Variants in CREG2 observed in about 807,000 individuals in gnomAD.
The protein encoded by CREG2 is cellular repressor of E1A stimulated genes 2, also known as protein CREG2.
Under a neutral mutation model 26.2 loss-of-function variants are expected in CREG2, and 24 were observed. The ratio of observed to expected loss-of-function variants is 0.92; its 90% CI spans 0.66 to 1.29. CREG2 has a LOEUF of 1.29. CREG2 is among the 50% of genes most tolerant of loss of function. CREG2 has a pLI of 0.00. For missense variants in CREG2, 366 were observed against 398.6 expected (o/e 0.92, Z 0.70); for synonymous variants, 174 against 169.2 (o/e 1.03, Z -0.22).
chr2:101,373,831 A>C (rs1041330445), intron 2 of CREG2, among the ~76,000 whole-genome samples: 1 of 152,220 alleles, frequency 6.6e-6, no homozygotes, highest in Non-Finnish European at 1.5e-5. Flanking sequence ...CTTTCTCTTT[A>C]CAAAGTTCTC....
rs769349901 is a variant in CREG2 at position 101,383,705 on chromosome 2, A to C, written c.442-3T>G. 3 of 1,592,706 alleles carry C rather than the reference A, an allele frequency of 1.9e-6. No individual in the cohort carries two copies. The Admixed American group carries it at 5.3e-5, about 28-fold the overall frequency. On this transcript the variant is annotated splice_region_variant and splice_polypyrimidine_tract_variant and intron_variant, in intron 1 of 3. Coordinates refer to ENST00000324768, the MANE Select transcript of CREG2 (RefSeq NM_153836.4). ...TTCCCAAATGGCAGTCCTTGGATCT[A>C]ACAAACACCAAAAAAGGCTTTTTCA... is the stretch of plus-strand genomic sequence containing the variant.
intron 2 of CREG2, among the ~76,000 whole-genome samples, chr2:101,361,716 C>T (rs931058338): frequency 2.0e-5 from 3 of 152,174 alleles, no homozygotes; most frequent in Non-Finnish European, 2.9e-5. Context: ...AGCATCAATA[C>T]GAAACTAATA....
chr2:101,382,413 C>G (rs187948317), intron 2 of CREG2: 2 of 847,726 alleles, frequency 2.4e-6, no homozygotes, highest in Non-Finnish European at 2.8e-6. Context: ...GAAACAAGAG[C>G]GAAACTCTAT....
At chr2:101,370,364 C>T (rs1004468276) in intron 2 of CREG2, among the ~76,000 whole-genome samples, 4 of 152,130 alleles carry the variant, frequency 2.6e-5, no homozygotes, top group Non-Finnish European at 5.9e-5. Context: ...CCATAGCTAC[C>T]ATTTATTGGT....
rs1460417396 is a variant in CREG2 at position 101,355,329 on chromosome 2, G to T, written c.649C>A (p.Gln217Lys). ...ATCATCTGGCCAGTGAGCGTTAACTGGACACATCGGGGATCTTCCGGATCA... is the reference window on the plus strand; with the variant it reads ...ATCATCTGGCCAGTGAGCGTTAACTTGACACATCGGGGATCTTCCGGATCA... ...IVDPEDPRCV[Q>K]LTLTGQMIAV... The change falls in exon 3 of 4, where the codon CAG (glutamine) becomes AAG (lysine). Residue 217 changes from glutamine (Q) to lysine (K), a missense_variant. Gln to Lys is a moderately conservative substitution (Grantham distance 53, BLOSUM62 1). This residue lies in a region of CREG2 where 174 missense variants were observed against 178.2 expected (regional missense o/e 0.98). Transcript: ENST00000324768. 1.9e-6 allele frequency: 3 copies of T among 1,613,824 alleles called. No homozygotes were observed. The South Asian group carries it at 3.3e-5, about 18-fold the overall frequency.
chr2:101,353,995 T>C (rs920740425), intron 3 of CREG2, among the ~76,000 whole-genome samples: 6 of 152,082 alleles, frequency 3.9e-5, no homozygotes, highest in African/African-American at 9.7e-5. Context: ...TGGAAAGCAT[T>C]AGGACAAATA....
At chr2:101,365,322 T>C (rs62156068) in intron 2 of CREG2, among the ~76,000 whole-genome samples, 21,720 of 152,136 alleles carry the variant, frequency 0.14, 1,840 homozygotes, top group East Asian at 0.23. Flanking sequence ...TTGTCAATGT[T>C]CCTGTTAAAT....
intron 2 of CREG2, among the ~76,000 whole-genome samples, chr2:101,364,909 G>C (rs1684597579): frequency 6.6e-6 from 1 of 152,214 alleles, no homozygotes; most frequent in Admixed American, 6.5e-5. Context: ...CTGACGGGTG[G>C]GAGGATCGTG....
In CREG2 at chr2:101,347,142, CA is replaced by C. The variant is rs1270731591; in HGVS notation, c.*3780del. 1 of 152,262 alleles carries C rather than the reference CA, an allele frequency of 6.6e-6. No homozygotes were observed. The highest frequency in any genetic ancestry group is 1.9e-4 in the East Asian group (1 of 5,192). The allele number at this position is 152,262 out of a possible 1,614,324, so 9.4% of individuals were successfully genotyped here. A position where few individuals can be genotyped will look rare whatever the true frequency, so the allele number is the denominator to read the frequency against. The stretch of plus-strand genomic sequence containing the variant: ...TCTGGAATTCATCCCAGTGGTTGCC[CA>C]TGTCAGTAATTAGTTCTTTTTTATC... On this transcript the variant is annotated 3_prime_UTR_variant, in exon 4 of 4. Transcript: ENST00000324768.
In CREG2 at chr2:101,371,143, C is replaced by T. The variant is rs143981135; in HGVS notation, c.611+12390G>A. ...AGACCCATGACCCCTGCCCCCTCCC[C>T]GTAGAGGCCTCCATGGACCAAAGGA... On this transcript the variant is annotated intron_variant, in intron 2 of 3. Transcript: ENST00000324768. Among the ~76,000 whole-genome samples, 21 of 152,288 alleles carry T rather than the reference C, an allele frequency of 1.4e-4. 1 individual carries two copies. Among genetic ancestry groups the T allele is most frequent in the Admixed American group, 7.8e-4 (12 of 15,304 alleles).
At chr2:101,352,388 C>T (rs1684396824) in intron 3 of CREG2, among the ~76,000 whole-genome samples, 1 of 152,130 alleles carries the variant, frequency 6.6e-6, no homozygotes. Context: ...ATAACTGGAA[C>T]AAAGTTTGAT....
intron 3 of CREG2, among the ~76,000 whole-genome samples, chr2:101,354,309 C>T (rs962473699): frequency 6.6e-6 from 1 of 152,174 alleles, no homozygotes; most frequent in Non-Finnish European, 1.5e-5. Context: ...CACACACGCA[C>T]ACTGACATCT....
In CREG2 at chr2:101,374,626, G is replaced by A. The variant is rs143951424; in HGVS notation, c.611+8907C>T. Among the ~76,000 whole-genome samples the A allele has an allele frequency of 2.9e-3, 440 of 152,324 alleles. 2 individuals carry two copies. The highest frequency in any genetic ancestry group is 9.0e-3 in the African/African-American group (373 of 41,568). ...GGATATAGACTCCAGACAGAGATACGTCTTGGCTCTTAGCAAGCCAGCTGC... is the reference window on the plus strand; with the variant it reads ...GGATATAGACTCCAGACAGAGATACATCTTGGCTCTTAGCAAGCCAGCTGC... On this transcript the variant is annotated intron_variant, in intron 2 of 3. Transcript: ENST00000324768.
rs145267496 is a variant in CREG2 at position 101,355,302 on chromosome 2, C to G, written c.676G>C (p.Ala226Pro). The change falls in exon 3 of 4, where the codon GCA (alanine) becomes CCA (proline). Residue 226 changes from alanine to proline, a missense_variant. Coordinates refer to ENST00000324768, the MANE Select transcript of CREG2 (RefSeq NM_153836.4). ...AATTCTACTTCTTCTGGAGACACTGCGATCATCTGGCCAGTGAGCGTTAAC... is the reference window on the plus strand; with the variant it reads ...AATTCTACTTCTTCTGGAGACACTGGGATCATCTGGCCAGTGAGCGTTAAC... Reference protein sequence around the residue: ...VQLTLTGQMIAVSPEEVEFAK... With the variant: ...VQLTLTGQMIPVSPEEVEFAK... 1.2e-6 allele frequency: 2 copies of G among 1,613,776 alleles called. No homozygotes were observed. The highest frequency in any genetic ancestry group is 1.7e-5 in the Admixed American group (1 of 59,996).
intron 2 of CREG2, among the ~76,000 whole-genome samples, chr2:101,377,577 T>C (rs574524233): frequency 6.6e-6 from 1 of 152,314 alleles, no homozygotes; most frequent in South Asian, 2.1e-4. Flanking sequence ...ACAAATTCAT[T>C]TGGTCAAGGG....
intron 2 of CREG2, among the ~76,000 whole-genome samples, chr2:101,373,639 G>A (rs907963385): frequency 6.6e-6 from 1 of 152,186 alleles, no homozygotes; most frequent in Admixed American, 6.5e-5. Context: ...GAAAAGGATA[G>A]TGCAATGGCA....
chr2:101,356,499 G>T (rs1031277025), intron 2 of CREG2, among the ~76,000 whole-genome samples: 1 of 152,126 alleles, frequency 6.6e-6, no homozygotes, highest in African/African-American at 2.4e-5. Flanking sequence ...AAATAATATT[G>T]TGCACATAAA....
chr2:101,385,051 C>T (rs1684944230), intron 1 of CREG2, among the ~76,000 whole-genome samples: 1 of 152,104 alleles, frequency 6.6e-6, no homozygotes, highest in African/African-American at 2.4e-5. Flanking sequence ...GCCAAATACA[C>T]CTCTTTTCTT....
At chr2:101,358,536 C>T (rs1025039320) in intron 2 of CREG2, among the ~76,000 whole-genome samples, 1 of 152,136 alleles carries the variant, frequency 6.6e-6, no homozygotes, top group South Asian at 2.1e-4. Context: ...AACCAAAAAG[C>T]TTAGCAGTGG....
Sources: gnomAD v4.1 joint callset for allele counts (sites outside exome capture counted in the v4.1 genomes callset) on GRCh38, gnomAD v4.1.1 for gene constraint, gnomAD v4.1.1 regional missense constraint, MANE v1.5 for transcripts, NCBI Gene and HGNC (gene_info 2026-07-23, HGNC 2026-07-21) for gene names.